CDH12: variants seen among roughly 807,000 people sequenced by gnomAD.
CDH12 encodes cadherin-12.
Under a neutral mutation model 74.1 loss-of-function variants are expected in CDH12, and 41 were observed. The observed-to-expected ratio is 0.55, with a 90% confidence interval of 0.43 to 0.72. CDH12 has a LOEUF of 0.72. CDH12 is among the 30% of genes least tolerant of loss of function. CDH12 has a pLI of 0.00. For synonymous variants in CDH12, 399 were observed against 355.0 expected (o/e 1.12, Z -1.39); for missense variants, 945 against 977.2 (o/e 0.97, Z 0.44).
Position 22,126,495 on chromosome 5 carries a change from C to A in CDH12, c.-186-47633G>T, listed in dbSNP as rs1429596902. Among the ~76,000 whole-genome samples, 6 of 152,140 alleles carry A rather than the reference C, an allele frequency of 3.9e-5. 1 individual carries two copies. Among genetic ancestry groups the A allele is most frequent in the African/African-American group, 1.2e-4 (5 of 41,504 alleles). On this transcript the variant is annotated intron_variant, in intron 4 of 14. Coordinates refer to ENST00000382254, the MANE Select transcript of CDH12 (RefSeq NM_004061.5). ...CTGGTGTACATTTTTCAAAGTAGTGCAGATTGTGTTGAAATTATCAGTTTA... is the reference window on the plus strand; with the variant it reads ...CTGGTGTACATTTTTCAAAGTAGTGAAGATTGTGTTGAAATTATCAGTTTA...
chr5:22,258,481 A>G (rs1753398182), intron 3 of CDH12, among the ~76,000 whole-genome samples: 3 of 152,010 alleles, frequency 2.0e-5, no homozygotes, highest in African/African-American at 7.2e-5. Context: ...ATAACAGCAT[A>G]TCTATAGTAA....
At chr5:21,951,739 A>G (rs1191896431) in intron 6 of CDH12, among the ~76,000 whole-genome samples, 1 of 152,232 alleles carries the variant, frequency 6.6e-6, no homozygotes, top group Non-Finnish European at 1.5e-5. Flanking sequence ...ACAATGGAAG[A>G]AAGTACTTCA....
At chr5:22,778,682 A>G (rs1283767374) in intron 1 of CDH12, among the ~76,000 whole-genome samples, 1 of 152,160 alleles carries the variant, frequency 6.6e-6, no homozygotes, top group Non-Finnish European at 1.5e-5. Context: ...TTTAATCAGT[A>G]TGTAGGATCA....
At chr5:22,136,100 G>A (rs1237999255) in intron 4 of CDH12, among the ~76,000 whole-genome samples, 1 of 151,978 alleles carries the variant, frequency 6.6e-6, no homozygotes, top group East Asian at 1.9e-4. Flanking sequence ...TAATGGATAG[G>A]TAAGTTATAT....
chr5:21,906,532 T>C (rs7379403), intron 6 of CDH12, among the ~76,000 whole-genome samples: 86,130 of 152,154 alleles, frequency 0.57, 28,647 homozygotes, highest in Non-Finnish European at 0.73. Flanking sequence ...AGTCACTTTC[T>C]GACACTGCTG....
intron 1 of CDH12, among the ~76,000 whole-genome samples, chr5:22,774,513 A>G (rs916409490): frequency 1.1e-4 from 17 of 152,078 alleles, no homozygotes; most frequent in Admixed American, 2.6e-4. Context: ...ATGGGAGGTA[A>G]TTGAATCATG....
chr5:22,317,037 A>G (rs1738662455), intron 3 of CDH12, among the ~76,000 whole-genome samples: 1 of 152,276 alleles, frequency 6.6e-6, no homozygotes, highest in Non-Finnish European at 1.5e-5. Flanking sequence ...AGATAGATTA[A>G]CTATTAAAAG....
At chr5:22,179,320 CT>C (rs1362439920) in intron 4 of CDH12, among the ~76,000 whole-genome samples, 24 of 151,968 alleles carry the variant, frequency 1.6e-4, no homozygotes, top group Admixed American at 1.3e-4. Flanking sequence ...TTATGACATA[CT>C]ATAGAGTATT....
At chr5:22,760,485 C>A (rs1326699365) in intron 1 of CDH12, among the ~76,000 whole-genome samples, 1 of 151,880 alleles carries the variant, frequency 6.6e-6, no homozygotes, top group Non-Finnish European at 1.5e-5. Context: ...TCGAGACCAG[C>A]CTGGCCAACA....
chr5:22,745,026 A>G (rs1745221746), intron 1 of CDH12, among the ~76,000 whole-genome samples: 1 of 151,010 alleles, frequency 6.6e-6, no homozygotes, highest in South Asian at 2.1e-4. Context: ...ATATTTATAT[A>G]TTATAAATAT....
chr5:22,302,648 A>G (rs1737937330), intron 3 of CDH12, among the ~76,000 whole-genome samples: 1 of 152,186 alleles, frequency 6.6e-6, no homozygotes, highest in African/African-American at 2.4e-5. Flanking sequence ...CTAAAAAATG[A>G]GAATAGCTTA....
chr5:22,430,919 A>G (rs533998042), intron 2 of CDH12, among the ~76,000 whole-genome samples: 2 of 152,238 alleles, frequency 1.3e-5, no homozygotes, highest in East Asian at 3.9e-4. Flanking sequence ...ATTTTACTTC[A>G]AGTAAGCTAG....
At chr5:22,528,057 T>A (rs1737368869) in intron 1 of CDH12, among the ~76,000 whole-genome samples, 1 of 152,142 alleles carries the variant, frequency 6.6e-6, no homozygotes. Flanking sequence ...TTATAGCATG[T>A]CTCCTCATGA....
intron 1 of CDH12, among the ~76,000 whole-genome samples, chr5:22,823,610 G>A (rs896642144): frequency 6.6e-6 from 1 of 152,102 alleles, no homozygotes; most frequent in Non-Finnish European, 1.5e-5. Context: ...GTTAGGCTGT[G>A]TGTCGCCAAC....
intron 1 of CDH12, among the ~76,000 whole-genome samples, chr5:22,616,060 T>G (rs888771404): frequency 1.7e-4 from 26 of 152,120 alleles, no homozygotes; most frequent in African/African-American, 5.8e-4. Flanking sequence ...GGACCAGAAT[T>G]TTGAGTGCTT....
intron 6 of CDH12, among the ~76,000 whole-genome samples, chr5:21,917,830 T>A (rs1754170876): frequency 6.6e-6 from 1 of 152,240 alleles, no homozygotes; most frequent in African/African-American, 2.4e-5. Context: ...TTATGGTTGG[T>A]AGAATACTCT....
At chr5:22,274,387 C>T (rs1736530467) in intron 3 of CDH12, among the ~76,000 whole-genome samples, 1 of 152,144 alleles carries the variant, frequency 6.6e-6, no homozygotes, top group Non-Finnish European at 1.5e-5. Flanking sequence ...AGCACATATC[C>T]TCTTTTATTG....
intron 3 of CDH12, among the ~76,000 whole-genome samples, chr5:22,396,502 G>A (rs1742468415): frequency 6.6e-6 from 1 of 152,112 alleles, no homozygotes; most frequent in Admixed American, 6.6e-5. Flanking sequence ...AAAGGTTTAG[G>A]GAGTAGATTC....
At chr5:22,717,915 GA>G (rs1041103916) in intron 1 of CDH12, among the ~76,000 whole-genome samples, 4 of 150,666 alleles carry the variant, frequency 2.7e-5, no homozygotes, top group South Asian at 4.2e-4. Flanking sequence ...CATCCACAAA[GA>G]AAAAAAAAGC....
Sources: allele counts gnomAD v4.1 joint callset (sites outside exome capture counted in the v4.1 genomes callset), GRCh38; gene constraint gnomAD v4.1.1; transcripts MANE v1.5; gene names NCBI Gene and HGNC (gene_info 2026-07-23, HGNC 2026-07-21).